MAST4: variants seen among roughly 807,000 people sequenced by gnomAD.
MAST4 encodes microtubule associated serine/threonine kinase family member 4, also known as microtubule-associated serine/threonine-protein kinase 4.
A neutral mutation model predicts 162.7 loss-of-function variants in MAST4; 89 were observed. The ratio of observed to expected loss-of-function variants is 0.55; its 90% CI spans 0.46 to 0.65. MAST4 has a LOEUF of 0.65. MAST4 is among the 30% of genes least tolerant of loss of function. The pLI is 0.00. For synonymous variants in MAST4, 1,479 were observed against 1,361.1 expected (o/e 1.09, Z -1.91); for missense variants, 3,153 against 3,374.0 (o/e 0.93, Z 1.62).
intron 4 of MAST4, among the ~76,000 whole-genome samples, chr5:66,976,270 G>A (rs1385895838): frequency 6.6e-6 from 1 of 152,226 alleles, no homozygotes; most frequent in African/African-American, 2.4e-5. Flanking sequence ...ACTCAGATAG[G>A]CTCACTCCTT....
chr5:66,911,090 G>A (rs1237689899), intron 4 of MAST4, among the ~76,000 whole-genome samples: 1 of 152,014 alleles, frequency 6.6e-6, no homozygotes, highest in Non-Finnish European at 1.5e-5. Flanking sequence ...ACCTCTTCTG[G>A]GATGATGTTG....
intron 4 of MAST4, among the ~76,000 whole-genome samples, chr5:67,039,854 T>C (rs1036261828): frequency 1.3e-5 from 2 of 152,078 alleles, no homozygotes; most frequent in Non-Finnish European, 2.9e-5. Context: ...AGGAATAACA[T>C]CTTGAAAGAA....
At chr5:66,933,632 G>A (rs1429846794) in intron 4 of MAST4, among the ~76,000 whole-genome samples, 1 of 152,052 alleles carries the variant, frequency 6.6e-6, no homozygotes, top group Non-Finnish European at 1.5e-5. Context: ...GGCTTCTTGT[G>A]GTACTGTGAT....
intron 27 of MAST4, 31 bp from the exon 28 acceptor site, chr5:67,162,576 G>A (rs1434698718): frequency 6.2e-7 from 1 of 1,608,972 alleles, no homozygotes; most frequent in South Asian, 1.1e-5. Context: ...TCTGAAAGAA[G>A]ACTGAACAAT....
At chr5:66,946,389 A>C (rs1296695223) in intron 4 of MAST4, among the ~76,000 whole-genome samples, 1 of 152,176 alleles carries the variant, frequency 6.6e-6, no homozygotes, top group East Asian at 1.9e-4. Flanking sequence ...GCCTAAATTT[A>C]GACCTTTCCT....
At chr5:66,991,052 T>C (rs1053460897) in intron 4 of MAST4, among the ~76,000 whole-genome samples, 2 of 152,198 alleles carry the variant, frequency 1.3e-5, no homozygotes, top group Non-Finnish European at 2.9e-5. Flanking sequence ...TGTCCTAAAC[T>C]GCTCTGAAGT....
intron 4 of MAST4, among the ~76,000 whole-genome samples, chr5:66,923,815 G>A (rs1030241922): frequency 6.6e-6 from 1 of 152,316 alleles, no homozygotes; most frequent in African/African-American, 2.4e-5. Context: ...GAAGGGGGTT[G>A]ATGAAACCTG....
chr5:66,977,503 A>G (rs1748301193), intron 4 of MAST4, among the ~76,000 whole-genome samples: 1 of 152,196 alleles, frequency 6.6e-6, no homozygotes, highest in Non-Finnish European at 1.5e-5. Context: ...TATTGATCAC[A>G]ACAGCAGTTG....
intron 2 of MAST4, among the ~76,000 whole-genome samples, chr5:66,767,646 A>AGTATTAACTCACAT (rs1244404159): frequency 6.6e-6 from 1 of 152,026 alleles, no homozygotes; most frequent in African/African-American, 2.4e-5. Flanking sequence ...GAGTTTATTA[A>AGTATTAACTCACAT]GTATTAACTC....
At chr5:66,927,658 A>G (rs565844980) in intron 4 of MAST4, among the ~76,000 whole-genome samples, 4 of 152,324 alleles carry the variant, frequency 2.6e-5, no homozygotes, top group Admixed American at 2.0e-4. Flanking sequence ...AGTGATGTGG[A>G]CAGACACTTG....
At chr5:66,860,983 C>T (rs532870153) in intron 3 of MAST4, among the ~76,000 whole-genome samples, 4 of 152,220 alleles carry the variant, frequency 2.6e-5, no homozygotes, top group South Asian at 2.1e-4. Flanking sequence ...GTCTGGTGCT[C>T]GGAAGGCCAG....
chr5:67,156,285 G>A (rs976779883), intron 26 of MAST4, among the ~76,000 whole-genome samples: 1 of 152,160 alleles, frequency 6.6e-6, no homozygotes, highest in Non-Finnish European at 1.5e-5. Context: ...CTGGAAAGGA[G>A]TATAAGATGA....
intron 15 of MAST4, among the ~76,000 whole-genome samples, chr5:67,130,917 C>T (rs1768894264): frequency 1.3e-5 from 2 of 151,954 alleles, no homozygotes; most frequent in Admixed American, 6.6e-5. Context: ...TTTCAATGCT[C>T]CAAGTAATCT....
chr5:66,835,864 A>G (rs1346877539), intron 3 of MAST4, among the ~76,000 whole-genome samples: 3 of 152,194 alleles, frequency 2.0e-5, no homozygotes, highest in Non-Finnish European at 4.4e-5. Flanking sequence ...AATTGCCTTC[A>G]TTGCCATTAA....
intron 1 of MAST4, among the ~76,000 whole-genome samples, chr5:66,749,925 G>C (rs1753030341): frequency 6.6e-6 from 1 of 152,162 alleles, no homozygotes; most frequent in Non-Finnish European, 1.5e-5. Context: ...TTTAAAAGTA[G>C]ATAAAATCCA....
chr5:66,603,307 C>A (rs985044768), intron 1 of MAST4, among the ~76,000 whole-genome samples: 7 of 152,164 alleles, frequency 4.6e-5, no homozygotes, highest in Admixed American at 3.3e-4. Context: ...GCTCATGGAA[C>A]CTGTTCTTAG....
chr5:66,777,533 G>A (rs528782552), intron 2 of MAST4, among the ~76,000 whole-genome samples: 20 of 152,248 alleles, frequency 1.3e-4, no homozygotes, highest in South Asian at 4.2e-4. Flanking sequence ...TTTAAACCTC[G>A]TGTCTGGGAT....
At chr5:66,898,536 G>C (rs1321415544) in intron 3 of MAST4, among the ~76,000 whole-genome samples, 2 of 152,126 alleles carry the variant, frequency 1.3e-5, no homozygotes, top group Admixed American at 6.5e-5. Context: ...TTATGTTTCA[G>C]AATCAGGGAG....
At chr5:66,904,127 C>T (rs1445921275) in intron 4 of MAST4, among the ~76,000 whole-genome samples, 1 of 152,088 alleles carries the variant, frequency 6.6e-6, no homozygotes, top group Non-Finnish European at 1.5e-5. Flanking sequence ...CCTGAAATTA[C>T]ATTTGTAAGT....
Sources: gnomAD v4.1 joint callset for allele counts (sites outside exome capture counted in the v4.1 genomes callset) on GRCh38, gnomAD v4.1.1 for gene constraint, MANE v1.5 for transcripts, NCBI Gene and HGNC (gene_info 2026-07-23, HGNC 2026-07-21) for gene names.